The following SGCZ variants were observed in gnomAD, a reference collection of about 807,000 sequenced individuals.
SGCZ encodes zeta-sarcoglycan.
A neutral mutation model predicts 41.3 loss-of-function variants in SGCZ; 40 were observed. That is an observed-to-expected ratio of 0.97 (90% CI 0.75 to 1.26). The LOEUF (loss-of-function observed/expected upper bound fraction) is 1.26. Ranked by LOEUF, SGCZ falls within the 50% of genes most tolerant of loss-of-function variation. The pLI is 0.00. For missense variants in SGCZ, 552 were observed against 369.8 expected (o/e 1.49, Z -4.04); for synonymous variants, 206 against 137.5 (o/e 1.50, Z -3.49).
chr8:14,536,565 A>G (rs767922450), intron 2 of SGCZ, among the ~76,000 whole-genome samples: 1 of 151,884 alleles, frequency 6.6e-6, no homozygotes. Flanking sequence ...GGAATTTTAG[A>G]GGAATTTCTA....
chr8:14,284,193 C>A (rs1800541856), intron 3 of SGCZ, among the ~76,000 whole-genome samples: 1 of 152,180 alleles, frequency 6.6e-6, no homozygotes, highest in South Asian at 2.1e-4. Flanking sequence ...GATTTTGAGA[C>A]CAGCCTAGGT....
At chr8:14,393,729 T>C (rs1048331575) in intron 2 of SGCZ, among the ~76,000 whole-genome samples, 1 of 152,136 alleles carries the variant, frequency 6.6e-6, no homozygotes, top group African/African-American at 2.4e-5. Context: ...TCCTGACATG[T>C]GACAACAAAC....
chr8:14,401,484 G>C (rs1470915540), intron 2 of SGCZ, among the ~76,000 whole-genome samples: 1 of 130,212 alleles, frequency 7.7e-6, no homozygotes, highest in African/African-American at 3.0e-5. Flanking sequence ...TCCCCTTCCT[G>C]TGTCCACGTG....
At chr8:14,618,707 T>A (rs886648837) in intron 1 of SGCZ, among the ~76,000 whole-genome samples, 3 of 152,168 alleles carry the variant, frequency 2.0e-5, no homozygotes, top group African/African-American at 7.2e-5. Flanking sequence ...AAGAGTCTGT[T>A]AAAGTAATTC....
chr8:14,743,742 T>A (rs1031452511), intron 1 of SGCZ, among the ~76,000 whole-genome samples: 1 of 152,036 alleles, frequency 6.6e-6, no homozygotes, highest in Non-Finnish European at 1.5e-5. Flanking sequence ...TCTTTTTCCG[T>A]CTTGCAAAAA....
At chr8:14,699,928 C>T (rs998359579) in intron 1 of SGCZ, among the ~76,000 whole-genome samples, 1 of 151,702 alleles carries the variant, frequency 6.6e-6, no homozygotes, top group Non-Finnish European at 1.5e-5. Flanking sequence ...TAGTCAAAAT[C>T]GTTATTATTA....
intron 2 of SGCZ, among the ~76,000 whole-genome samples, chr8:14,348,863 CTTCAT>C (rs1362454809): frequency 6.6e-6 from 1 of 152,072 alleles, no homozygotes; most frequent in East Asian, 1.9e-4. Flanking sequence ...TTACAAAACT[CTTCAT>C]TTAATTTTTA....
At chr8:15,111,371 C>T (rs931518270) in intron 1 of SGCZ, among the ~76,000 whole-genome samples, 9 of 152,182 alleles carry the variant, frequency 5.9e-5, no homozygotes, top group African/African-American at 1.9e-4. Context: ...TGGCGATGGG[C>T]CAAGCGTGGA....
intron 1 of SGCZ, among the ~76,000 whole-genome samples, chr8:15,023,761 T>C (rs541495767): frequency 6.6e-6 from 1 of 152,132 alleles, no homozygotes; most frequent in Non-Finnish European, 1.5e-5. Flanking sequence ...TAGTGGACAG[T>C]AGACAAAAAA....
intron 1 of SGCZ, among the ~76,000 whole-genome samples, chr8:14,663,540 T>G (rs764224806): frequency 3.3e-5 from 5 of 152,150 alleles, no homozygotes; most frequent in Non-Finnish European, 7.4e-5. Flanking sequence ...TATCTGTAAA[T>G]GAAAATAATA....
chr8:15,216,223 CTTT>C (rs34383864), intron 1 of SGCZ, among the ~76,000 whole-genome samples: 5 of 125,934 alleles, frequency 4.0e-5, no homozygotes, highest in East Asian at 2.3e-4. Flanking sequence ...CTTTTTTTTT[CTTT>C]TTTTTTTTTT....
intron 1 of SGCZ, among the ~76,000 whole-genome samples, chr8:14,951,637 T>C (rs1800640465): frequency 6.6e-6 from 1 of 152,070 alleles, no homozygotes; most frequent in Non-Finnish European, 1.5e-5. Flanking sequence ...CAGCATATAC[T>C]ATGACTAAAT....
intron 1 of SGCZ, among the ~76,000 whole-genome samples, chr8:14,664,750 A>T (rs1470616112): frequency 3.9e-5 from 6 of 152,202 alleles, no homozygotes; most frequent in Non-Finnish European, 5.9e-5. Context: ...TCAGCTGTTG[A>T]CATTACTCTC....
rs183012879 is a variant in SGCZ, at chr8:14,905,192, T to C, written c.39+332393A>G. On this transcript the variant is annotated intron_variant, in intron 1 of 7. Transcript: ENST00000382080. Reference sequence around the variant, plus strand: ...ATGAAGTTAATCGACAAGATTTTACTATCTAAAATATAACAAACACTTCCT... The same window carrying C: ...ATGAAGTTAATCGACAAGATTTTACCATCTAAAATATAACAAACACTTCCT... 3.3e-5 allele frequency among the ~76,000 whole-genome samples: 5 copies of C among 152,176 alleles called. No homozygotes were observed. In the East Asian group the frequency reaches 9.7e-4, roughly 29 times the overall value.
intron 1 of SGCZ, among the ~76,000 whole-genome samples, chr8:14,877,589 T>C (rs1585341530): frequency 6.6e-6 from 1 of 152,306 alleles, no homozygotes; most frequent in African/African-American, 2.4e-5. Flanking sequence ...AAATAATGAA[T>C]AGTGTAAAGA....
intron 1 of SGCZ, among the ~76,000 whole-genome samples, chr8:14,883,703 A>C (rs923094425): frequency 1.3e-5 from 2 of 150,832 alleles, no homozygotes; most frequent in African/African-American, 4.9e-5. Flanking sequence ...TCCTCTACTA[A>C]GCAAGACTAT....
intron 1 of SGCZ, among the ~76,000 whole-genome samples, chr8:14,783,618 TTTCCTTTGTGAG>T: frequency 6.6e-6 from 1 of 152,292 alleles, no homozygotes; most frequent in East Asian, 1.9e-4. Context: ...TTCCTGCTGG[TTTCCTTTGTGAG>T]CTAAAAGATA....
chr8:14,751,178 A>G (rs980502236), intron 1 of SGCZ, among the ~76,000 whole-genome samples: 4 of 152,196 alleles, frequency 2.6e-5, no homozygotes, highest in African/African-American at 9.6e-5. Context: ...TCTTGTTTAA[A>G]TCAGGAATAT....
At chr8:14,383,038 G>A (rs112183971) in intron 2 of SGCZ, among the ~76,000 whole-genome samples, 2 of 152,138 alleles carry the variant, frequency 1.3e-5, no homozygotes, top group African/African-American at 4.8e-5. Context: ...CAGCCCAATA[G>A]AGATACAGCT....
Sources: allele counts gnomAD v4.1 joint callset (sites outside exome capture counted in the v4.1 genomes callset), GRCh38; gene constraint gnomAD v4.1.1; transcripts MANE v1.5; gene names NCBI Gene and HGNC (gene_info 2026-07-23, HGNC 2026-07-21).